The following SPRED1 variants were observed in gnomAD, a reference collection of about 807,000 sequenced individuals.
SPRED1 encodes sprouty related EVH1 domain containing 1.
Under a neutral mutation model 52.3 loss-of-function variants are expected in SPRED1, and 18 were observed. The ratio of observed to expected loss-of-function variants is 0.34; its 90% CI spans 0.24 to 0.51. The LOEUF is 0.51. Among genes scored for constraint, SPRED1 ranks in the 20% least tolerant of loss-of-function variants. SPRED1 has a pLI of 0.97. For missense variants in SPRED1, 485 were observed against 551.0 expected (o/e 0.88, Z 1.20); for synonymous variants, 155 against 179.7 (o/e 0.86, Z 1.10).
chr15:38,322,244 G>A lies in SPRED1; in HGVS notation c.211G>A (p.Val71Ile), dbSNP rs369150309. 34 of 1,613,666 alleles carry A rather than the reference G, an allele frequency of 2.1e-5. 1 individual carries two copies. The Middle Eastern group carries it at 5.0e-4, about 24-fold the overall frequency. Residue 71 changes from valine to isoleucine, a missense_variant, in exon 3 of 7, where the codon GTT (valine) becomes ATT (isoleucine). Transcript: ENST00000299084. ...RGERLRDKMV[V>I]LECMLKKDLI... ...TTTGGTATTTGGCTTTTGTCAGGTG[G>A]TTTTGGAATGTATGCTTAAAAAAGA... is the stretch of plus-strand genomic sequence containing the variant.
intron 2 of SPRED1, among the ~76,000 whole-genome samples, chr15:38,306,034 G>C (rs1895244942): frequency 6.6e-6 from 1 of 150,874 alleles, no homozygotes; most frequent in Non-Finnish European, 1.5e-5. Context: ...TCTAACTTCT[G>C]TGTTATTTAC....
At chr15:38,283,362 T>G (rs2140966449) in intron 1 of SPRED1, 81 of 225,044 alleles carry the variant, frequency 3.6e-4, no homozygotes, top group Non-Finnish European at 5.4e-4. Flanking sequence ...CAATTCAAGA[T>G]GAGATTTGGG....
chr15:38,261,039 A>G lies in SPRED1; in HGVS notation c.32+7822A>G, dbSNP rs987181324. ...AGAACAAAACAAAGCCTCACAGTCAAATGGGGTTTATCTTGAGGATGTAAG... is the reference window on the plus strand; with the variant it reads ...AGAACAAAACAAAGCCTCACAGTCAGATGGGGTTTATCTTGAGGATGTAAG... On this transcript the variant is annotated intron_variant, in intron 1 of 6. Transcript: ENST00000299084. Among the ~76,000 whole-genome samples the G allele has an allele frequency of 4.6e-5, 7 of 152,324 alleles. No individual in the cohort carries two copies. The South Asian group carries it at 1.2e-3, about 27-fold the overall frequency.
intron 1 of SPRED1, among the ~76,000 whole-genome samples, chr15:38,276,066 A>G (rs1238858575): frequency 6.6e-6 from 1 of 152,244 alleles, no homozygotes; most frequent in East Asian, 1.9e-4. Flanking sequence ...TTTATTAATA[A>G]TAGATACAGT....
intron 2 of SPRED1, among the ~76,000 whole-genome samples, chr15:38,305,514 TA>T (rs1313964501): frequency 6.6e-6 from 1 of 151,842 alleles, no homozygotes; most frequent in East Asian, 1.9e-4. Flanking sequence ...TAGTGGAAGA[TA>T]AATATTACAA....
chr15:38,315,904 T>C (rs549706765), intron 2 of SPRED1, among the ~76,000 whole-genome samples: 1 of 152,158 alleles, frequency 6.6e-6, no homozygotes, highest in South Asian at 2.1e-4. Context: ...GTATTTTGAA[T>C]ACTTTATTAG....
chr15:38,310,082 C>T (rs1895330817), intron 2 of SPRED1, among the ~76,000 whole-genome samples: 1 of 141,568 alleles, frequency 7.1e-6, no homozygotes, highest in African/African-American at 2.6e-5. Flanking sequence ...TATTCTGGGT[C>T]TGTGCTTTTC....
In SPRED1 at chr15:38,300,042, T is replaced by C. The variant is rs1895121928; in HGVS notation, c.207+495T>C. ...CCACAAATTAAGTTTTATTCGAACATAGCCAAGGTGATTCCCTTATTAATT... is the reference window on the plus strand; with the variant it reads ...CCACAAATTAAGTTTTATTCGAACACAGCCAAGGTGATTCCCTTATTAATT... On this transcript the variant is annotated intron_variant, in intron 2 of 6. Transcript: ENST00000299084. Among the ~76,000 whole-genome samples the C allele has an allele frequency of 3.3e-5, 5 of 152,328 alleles. 1 individual carries two copies. The South Asian group carries it at 8.3e-4, about 25-fold the overall frequency.
chr15:38,317,628 T>A (rs1262206204), intron 2 of SPRED1, among the ~76,000 whole-genome samples: 2 of 151,914 alleles, frequency 1.3e-5, no homozygotes, highest in Admixed American at 6.6e-5. Context: ...TGGGCTAAAG[T>A]CAGAACTTAG....
At chr15:38,327,493 C>G (rs1895729061) in intron 4 of SPRED1, among the ~76,000 whole-genome samples, 1 of 152,126 alleles carries the variant, frequency 6.6e-6, no homozygotes, top group Middle Eastern at 3.2e-3. Flanking sequence ...TGCTTTCTCT[C>G]TTGGATCACT....
chr15:38,275,327 C>T (rs921262041), intron 1 of SPRED1, among the ~76,000 whole-genome samples: 4 of 152,122 alleles, frequency 2.6e-5, no homozygotes, highest in African/African-American at 9.7e-5. Context: ...TCAGCACGTC[C>T]TTTCTGGTAT....
chr15:38,347,738 G>T (rs4528528), intron 5 of SPRED1, among the ~76,000 whole-genome samples: 125,191 of 151,902 alleles, frequency 0.82, 52,373 homozygotes, highest in Non-Finnish European at 0.9. Context: ...CATTTTTGTT[G>T]TTCTATTATA....
At chr15:38,337,789 C>A (rs1412684167) in intron 4 of SPRED1, among the ~76,000 whole-genome samples, 1 of 151,448 alleles carries the variant, frequency 6.6e-6, no homozygotes, top group Non-Finnish European at 1.5e-5. Flanking sequence ...AAAGATAATT[C>A]AAAAAAGTCA....
At chr15:38,283,067 T>C (rs544106563) in intron 1 of SPRED1, among the ~76,000 whole-genome samples, 4 of 152,206 alleles carry the variant, frequency 2.6e-5, no homozygotes, top group Admixed American at 1.3e-4. Context: ...ACTGGGTAAT[T>C]ATAAAAGAAA....
chr15:38,299,300 TCAAA>T (rs1566859663), intron 1 of SPRED1, 69 bp from the exon 2 acceptor site: 1 of 1,527,984 alleles, frequency 6.5e-7, no homozygotes, highest in East Asian at 2.2e-5. Context: ...CTTTGGTTTC[TCAAA>T]CAAGACTGAT....
intron 1 of SPRED1, among the ~76,000 whole-genome samples, chr15:38,282,599 A>G (rs1280177511): frequency 9.9e-5 from 15 of 152,190 alleles, no homozygotes; most frequent in Non-Finnish European, 1.5e-5. Context: ...CTGATGTAAA[A>G]GCCACTGATG....
chr15:38,324,287 A>G (rs1895665175), intron 3 of SPRED1, among the ~76,000 whole-genome samples: 1 of 152,212 alleles, frequency 6.6e-6, no homozygotes, highest in Admixed American at 6.5e-5. Flanking sequence ...GTCAGTAACA[A>G]CAATTGGCCA....
At chr15:38,254,405 G>T (rs941094759) in intron 1 of SPRED1, among the ~76,000 whole-genome samples, 2 of 151,960 alleles carry the variant, frequency 1.3e-5, no homozygotes, top group African/African-American at 4.8e-5. Context: ...GGTGTAGAAG[G>T]AGGTACATTG....
At chr15:38,319,885 A>C (rs1429002765) in intron 2 of SPRED1, among the ~76,000 whole-genome samples, 1 of 152,218 alleles carries the variant, frequency 6.6e-6, no homozygotes, top group Non-Finnish European at 1.5e-5. Context: ...AAGAGGGGAC[A>C]CAAGTCAATG....
Sources: gnomAD v4.1 joint callset for allele counts (sites outside exome capture counted in the v4.1 genomes callset) on GRCh38, gnomAD v4.1.1 for gene constraint, MANE v1.5 for transcripts, NCBI Gene and HGNC (gene_info 2026-07-23, HGNC 2026-07-21) for gene names.